Variants in SLC35A3 observed in about 807,000 individuals in gnomAD.
SLC35A3 encodes the protein UDP-N-acetylglucosamine transporter.
SLC35A3 carries 26 observed loss-of-function variants against 39.0 expected under a neutral mutation model. The observed-to-expected ratio is 0.67, with a 90% confidence interval of 0.49 to 0.92. The LOEUF is 0.92. Ranked by LOEUF, SLC35A3 falls within the 40% of genes least tolerant of loss-of-function variation. The pLI is 0.00. For missense variants in SLC35A3, 299 were observed against 371.6 expected (o/e 0.80, Z 1.61); for synonymous variants, 135 against 133.1 (o/e 1.01, Z -0.10).
rs1413165299 is a variant in SLC35A3 at position 100,033,702 on chromosome 1, A to G, written c.*11226A>G. ...TTCTTTGACTCTTATCTAATTGTCT[A>G]TGTGACCGTCAGTGAATATATTATC... On this transcript the variant is annotated 3_prime_UTR_variant, in exon 8 of 8. Transcript: ENST00000533028. The G allele has an allele frequency of 2.0e-5, 3 of 152,172 alleles. No individual in the cohort carries two copies. The highest frequency in any genetic ancestry group is 2.9e-5 in the Non-Finnish European group (2 of 68,036). 9.4% of individuals were successfully genotyped at this position (152,172 alleles called of 1,614,324 possible). A position where few individuals can be genotyped will look rare whatever the true frequency, so the allele number is the denominator to read the frequency against.
At chr1:99,983,444 C>T (rs1438435600) in intron 1 of SLC35A3, among the ~76,000 whole-genome samples, 1 of 151,214 alleles carries the variant, frequency 6.6e-6, no homozygotes, top group African/African-American at 2.4e-5. Flanking sequence ...GAGGCCGAGG[C>T]AGGAGAATCT....
chr1:99,981,922 G>C (rs970986521), intron 1 of SLC35A3, among the ~76,000 whole-genome samples: 12 of 151,874 alleles, frequency 7.9e-5, no homozygotes, highest in African/African-American at 2.7e-4. Context: ...AAAGTATACA[G>C]ACTATACGTT....
intron 5 of SLC35A3, among the ~76,000 whole-genome samples, chr1:100,014,215 CTT>C (rs1491489668): frequency 6.6e-6 from 1 of 152,006 alleles, no homozygotes; most frequent in Non-Finnish European, 1.5e-5. Context: ...CAAAACAAAA[CTT>C]TTATTTATTT....
chr1:100,014,575 TTGTA>T (rs1471033157), intron 5 of SLC35A3, among the ~76,000 whole-genome samples: 1 of 152,130 alleles, frequency 6.6e-6, no homozygotes, highest in Non-Finnish European at 1.5e-5. Flanking sequence ...GCTTTTATAT[TTGTA>T]TGTATCAATG....
At chr1:99,985,014 A>AT (rs1372098484) in intron 1 of SLC35A3, among the ~76,000 whole-genome samples, 1 of 151,764 alleles carries the variant, frequency 6.6e-6, no homozygotes, top group African/African-American at 2.4e-5. Context: ...GATTGCAAAT[A>AT]TTTTCTCCCA....
In SLC35A3 at chr1:100,025,813, A is replaced by T. The variant is rs948066392; in HGVS notation, c.*3337A>T. On this transcript the variant is annotated 3_prime_UTR_variant, in exon 8 of 8. Transcript: ENST00000533028. ...TGTTATCACGCAACTACTTTGTTCA[A>T]TGTGAAAATGTGCTAACTCATGGGA... 9 of 152,282 alleles carry T rather than the reference A, an allele frequency of 5.9e-5. No homozygotes were observed. The highest frequency in any genetic ancestry group is 2.1e-4 in the South Asian group (1 of 4,832). 9.4% of individuals were successfully genotyped at this position (152,282 alleles called of 1,614,324 possible).
intron 2 of SLC35A3, among the ~76,000 whole-genome samples, chr1:99,997,413 TATA>T (rs1658473135): frequency 1.4e-4 from 2 of 14,556 alleles, no homozygotes; most frequent in Non-Finnish European, 3.4e-4. Context: ...TATAGTTTTA[TATA>T]TATATATATA....
intron 1 of SLC35A3, among the ~76,000 whole-genome samples, chr1:99,988,914 GT>G (rs952361069): frequency 2.0e-5 from 3 of 151,342 alleles, no homozygotes; most frequent in African/African-American, 7.3e-5. Flanking sequence ...CTACATGCAT[GT>G]AGCACCAAAC....
At chr1:99,973,996 C>T (rs529866114) in intron 1 of SLC35A3, among the ~76,000 whole-genome samples, 203 of 129,638 alleles carry the variant, frequency 1.6e-3, no homozygotes, top group African/African-American at 5.7e-3. Context: ...GCCTGGGCGA[C>T]AGAGTGAGAC....
chr1:99,996,528 A>G (rs1241160357), intron 2 of SLC35A3, among the ~76,000 whole-genome samples: 1 of 152,188 alleles, frequency 6.6e-6, no homozygotes, highest in Non-Finnish European at 1.5e-5. Flanking sequence ...CAAATTGGCA[A>G]AAATAAAAAG....
intron 4 of SLC35A3, chr1:100,009,142 C>T (rs1482114983): frequency 6.6e-6 from 1 of 152,102 alleles, no homozygotes; most frequent in Non-Finnish European, 1.5e-5. Context: ...TTATACCCAA[C>T]TGTTTAAGGT....
chr1:99,993,501 A>G, intron 1 of SLC35A3, 36 bp from the exon 2 acceptor site: 1 of 1,566,742 alleles, frequency 6.4e-7, no homozygotes, highest in Non-Finnish European at 8.8e-7. Flanking sequence ...ATATGTTGTA[A>G]TCTTATTTAT....
intron 3 of SLC35A3, among the ~76,000 whole-genome samples, chr1:99,999,996 T>C (rs1658654664): frequency 6.6e-6 from 1 of 152,170 alleles, no homozygotes; most frequent in Non-Finnish European, 1.5e-5. Flanking sequence ...GACACTTAGG[T>C]TGAGTTCATA....
chr1:99,983,440 G>T (rs1366226264), intron 1 of SLC35A3, among the ~76,000 whole-genome samples: 1 of 151,510 alleles, frequency 6.6e-6, no homozygotes, highest in African/African-American at 2.4e-5. Context: ...TCAGGAGGCC[G>T]AGGCAGGAGA....
chr1:99,995,312 C>G (rs1658342109), intron 2 of SLC35A3, among the ~76,000 whole-genome samples: 1 of 151,848 alleles, frequency 6.6e-6, no homozygotes, highest in African/African-American at 2.4e-5. Context: ...GCTACCACAC[C>G]CTGCTACTTT....
intron 6 of SLC35A3, 122 bp downstream of exon 6, chr1:100,015,542 C>A: frequency 9.5e-7 from 1 of 1,056,500 alleles, no homozygotes; most frequent in South Asian, 2.9e-5. Flanking sequence ...GCTCTCGTAT[C>A]TAGTTTATTC....
intron 1 of SLC35A3, chr1:99,970,391 G>A (rs1656730686): frequency 1.6e-6 from 1 of 611,796 alleles, no homozygotes; most frequent in Non-Finnish European, 2.9e-6. Flanking sequence ...CGTGCGGAAT[G>A]TACTGGGTGG....
rs1652205924 is a variant in SLC35A3 at position 100,024,733 on chromosome 1, C to T, written c.*2257C>T. 1 of 395,946 alleles carries T rather than the reference C, an allele frequency of 2.5e-6. No homozygotes were observed. Among genetic ancestry groups the T allele is most frequent in the African/African-American group, 2.1e-5 (1 of 48,398 alleles). The allele number at this position is 395,946 out of a possible 1,614,324, so 24.5% of individuals were successfully genotyped here. ...TCCCTGGTTCAAGGGATTCTCCTGC[C>T]TCAGCCTCTGAGTAGCTGGGATTGC... On this transcript the variant is annotated 3_prime_UTR_variant, in exon 8 of 8. Transcript: ENST00000533028.
intron 1 of SLC35A3, among the ~76,000 whole-genome samples, chr1:99,977,346 C>T (rs1657167044): frequency 2.1e-5 from 3 of 141,426 alleles, no homozygotes; most frequent in African/African-American, 2.8e-5. Flanking sequence ...CGCGAAACTC[C>T]GTCTCTATTA....
Sources: gnomAD v4.1 joint callset for allele counts (sites outside exome capture counted in the v4.1 genomes callset) on GRCh38, gnomAD v4.1.1 for gene constraint, MANE v1.5 for transcripts, NCBI Gene and HGNC (gene_info 2026-07-23, HGNC 2026-07-21) for gene names.